Variants in PTPRT observed in about 807,000 individuals in gnomAD.
PTPRT encodes receptor-type tyrosine-protein phosphatase T.
Under a neutral mutation model 176.8 loss-of-function variants are expected in PTPRT, and 56 were observed. The ratio of observed to expected loss-of-function variants is 0.32; its 90% CI spans 0.26 to 0.40. The LOEUF (loss-of-function observed/expected upper bound fraction) is 0.40, where lower values mean the gene tolerates loss of function less well. Ranked by LOEUF, PTPRT falls within the 10% of genes least tolerant of loss-of-function variation. The pLI, the probability that PTPRT is intolerant of heterozygous loss-of-function variation, is 1.00. For missense variants in PTPRT, 1,540 were observed against 1,908.2 expected, an observed-to-expected ratio of 0.81 and a Z score of 3.60; for synonymous variants, 783 against 739.0, an observed-to-expected ratio of 1.06 and a Z score of -0.96.
intron 13 of PTPRT, among the ~76,000 whole-genome samples, chr20:42,266,851 G>A (rs1390202548): frequency 6.6e-6 from 1 of 152,126 alleles, no homozygotes; most frequent in East Asian, 1.9e-4. Context: ...ACCAAGTCAC[G>A]TACTTAGAGC....
At chr20:42,462,742 C>T (rs1404798735) in intron 8 of PTPRT, among the ~76,000 whole-genome samples, 4 of 151,964 alleles carry the variant, frequency 2.6e-5, no homozygotes, top group Admixed American at 2.0e-4. Flanking sequence ...TCCTGAACAC[C>T]CTGAAATAAA....
intron 17 of PTPRT, among the ~76,000 whole-genome samples, chr20:42,150,904 T>C (rs995343693): frequency 6.6e-6 from 1 of 152,172 alleles, no homozygotes; most frequent in African/African-American, 2.4e-5. Flanking sequence ...TTTTATACTA[T>C]GTAAATTTTA....
At position 42,080,848 on chromosome 20, in the gene PTPRT, T is replaced by A. The variant is rs768591647; in HGVS notation, c.*31A>T. Reference sequence around the variant, plus strand: ...AAGGGGGCTTGGTCACAGCAGCCTCTGGACTCCGGCAGGTTCCCCATCCCA... The same window carrying A: ...AAGGGGGCTTGGTCACAGCAGCCTCAGGACTCCGGCAGGTTCCCCATCCCA... On this transcript the variant is annotated 3_prime_UTR_variant, in exon 31 of 31. Coordinates refer to ENST00000373187, the MANE Select transcript of PTPRT (RefSeq NM_007050.6). The A allele has an allele frequency of 2.5e-6, 4 of 1,592,662 alleles. No individual in the cohort carries two copies. The South Asian group carries it at 4.4e-5, about 18-fold the overall frequency.
At chr20:42,356,851 T>TTCAGTAC (rs2058365416) in intron 9 of PTPRT, among the ~76,000 whole-genome samples, 2 of 152,122 alleles carry the variant, frequency 1.3e-5, no homozygotes, top group South Asian at 4.1e-4. Context: ...CAAGCCTTAC[T>TTCAGTAC]TCAGTACTAA....
chr20:42,095,523 C>T (rs1036736686), intron 27 of PTPRT, among the ~76,000 whole-genome samples: 3 of 152,194 alleles, frequency 2.0e-5, no homozygotes, highest in African/African-American at 7.2e-5. Context: ...TCCTTCACGT[C>T]TGTGTTCAAA....
At chr20:42,644,610 G>C (rs1278135736) in intron 7 of PTPRT, among the ~76,000 whole-genome samples, 1 of 152,088 alleles carries the variant, frequency 6.6e-6, no homozygotes, top group African/African-American at 2.4e-5. Flanking sequence ...TAATGACCCT[G>C]GGTCTTCCTC....
chr20:42,124,454 G>C (rs576436822), intron 19 of PTPRT, among the ~76,000 whole-genome samples: 1 of 152,248 alleles, frequency 6.6e-6, no homozygotes, highest in East Asian at 1.9e-4. Context: ...ATACATTTTC[G>C]GGTGTGCAAA....
intron 19 of PTPRT, among the ~76,000 whole-genome samples, chr20:42,122,889 C>G (rs1313149351): frequency 6.6e-6 from 1 of 152,218 alleles, no homozygotes; most frequent in Non-Finnish European, 1.5e-5. Context: ...CTCCTACAAC[C>G]CCATGCACCC....
chr20:42,970,908 C>A (rs1982597332), intron 1 of PTPRT: 2 of 152,196 alleles, frequency 1.3e-5, no homozygotes, highest in Non-Finnish European at 2.9e-5. Flanking sequence ...GAGACGACAG[C>A]AAGTCACAGA....
chr20:42,901,254 G>C (rs866758613), intron 1 of PTPRT, among the ~76,000 whole-genome samples: 1 of 151,892 alleles, frequency 6.6e-6, no homozygotes, highest in Non-Finnish European at 1.5e-5. Flanking sequence ...TCACCCTCAC[G>C]ACCTGGTGTT....
At chr20:43,050,306 A>G (rs533371830) in intron 1 of PTPRT, among the ~76,000 whole-genome samples, 1 of 152,292 alleles carries the variant, frequency 6.6e-6, no homozygotes, top group Admixed American at 6.5e-5. Context: ...GGGCTAGTTC[A>G]CTTGGTTTAG....
At chr20:42,069,907 A>G (rs141937718), downstream of PTPRT, among the ~76,000 whole-genome samples, 90 of 152,208 alleles carry the variant, frequency 5.9e-4, no homozygotes, top group African/African-American at 2.1e-3. Flanking sequence ...TCAGTTTGTG[A>G]GTATCATCTC....
chr20:42,793,772 T>C (rs1296574087), intron 2 of PTPRT, among the ~76,000 whole-genome samples: 1 of 152,136 alleles, frequency 6.6e-6, no homozygotes, highest in African/African-American at 2.4e-5. Context: ...CCCATATCTG[T>C]CCACTGGCCT....
intron 15 of PTPRT, among the ~76,000 whole-genome samples, chr20:42,205,546 T>C (rs539638126): frequency 1.2e-4 from 19 of 152,138 alleles, no homozygotes; most frequent in African/African-American, 4.6e-4. Context: ...ATCCCAGGAT[T>C]TGGACTCTGC....
rs114884203 is a variant in PTPRT at position 42,630,352 on chromosome 20, A to C, written c.1153+47514T>G. On this transcript the variant is annotated intron_variant, in intron 7 of 30. Coordinates refer to ENST00000373187, the MANE Select transcript of PTPRT (RefSeq NM_007050.6). ...GACTCCCAGAAGGCCAGAAGATAAT[A>C]AATTTGTGTGGTTTCAAGCCACTAT... Among the ~76,000 whole-genome samples the C allele has an allele frequency of 4.0e-3, 603 of 152,244 alleles. 7 individuals are homozygous for C. The highest frequency in any genetic ancestry group is 0.014 in the African/African-American group (571 of 41,532).
chr20:42,137,396 C>G (rs1241719326), intron 18 of PTPRT, among the ~76,000 whole-genome samples: 1 of 152,226 alleles, frequency 6.6e-6, no homozygotes, highest in East Asian at 1.9e-4. Flanking sequence ...CATAGCCCCA[C>G]CTCCTTCTGG....
At chr20:42,880,402 C>T (rs1344045575) in intron 2 of PTPRT, among the ~76,000 whole-genome samples, 2 of 152,168 alleles carry the variant, frequency 1.3e-5, no homozygotes, top group East Asian at 1.9e-4. Flanking sequence ...GATTTTGCAA[C>T]CTGATATTCA....
chr20:42,059,573 T>C, the PTPRT span, among the ~76,000 whole-genome samples: 1 of 152,120 alleles, frequency 6.6e-6, no homozygotes, highest in Non-Finnish European at 1.5e-5. Context: ...TATGATTGGA[T>C]GTAATAGTTT....
intron 7 of PTPRT, among the ~76,000 whole-genome samples, chr20:42,549,123 G>A (rs991250850): frequency 2.0e-5 from 3 of 152,100 alleles, no homozygotes; most frequent in Admixed American, 2.0e-4. Flanking sequence ...TTCTCACAGG[G>A]CCCTCTGGGT....
Sources: gnomAD v4.1 joint callset for allele counts (sites outside exome capture counted in the v4.1 genomes callset) on GRCh38, gnomAD v4.1.1 for gene constraint, MANE v1.5 for transcripts, NCBI Gene and HGNC (gene_info 2026-07-23, HGNC 2026-07-21) for gene names.